TNNI3K: variants seen among roughly 807,000 people sequenced by gnomAD.
The protein encoded by TNNI3K is TNNI3 interacting kinase.
TNNI3K carries 140 observed loss-of-function variants against 114.5 expected under a neutral mutation model. The ratio of observed to expected loss-of-function variants is 1.22; its 90% confidence interval spans 1.07 to 1.41. The LOEUF is 1.41. Among genes scored for constraint, TNNI3K ranks in the 40% most tolerant of loss-of-function variants. The pLI, the probability that TNNI3K is intolerant of heterozygous loss-of-function variation, is 0.00. For missense variants in TNNI3K, 1,125 were observed against 1,007.6 expected, an observed-to-expected ratio of 1.12 and a Z score of -1.58; for synonymous variants, 347 against 347.5, an observed-to-expected ratio of 1.00 and a Z score of 0.02.
At chr1:74,464,951 G>A (rs1667604935) in intron 21 of TNNI3K, 2 of 1,222,926 alleles carry the variant, frequency 1.6e-6, no homozygotes, top group Admixed American at 8.4e-5. Context: ...TTCAATCTCT[G>A]CATCTGAATT....
rs1667598956 is a variant in TNNI3K at position 74,464,784 on chromosome 1, T to C, written c.2121+1234T>C. The C allele has an allele frequency of 5.2e-6, 8 of 1,535,654 alleles. No homozygotes were observed. In the East Asian group the frequency reaches 9.7e-5, roughly 19 times the overall value. On this transcript the variant is annotated intron_variant, in intron 21 of 24. Transcript: ENST00000326637. Reference sequence around the variant, plus strand: ...TTCAACCTGATGTGTTACATGTTTATTTGTTTAGAATCTTCCATCACTACC... The same window carrying C: ...TTCAACCTGATGTGTTACATGTTTACTTGTTTAGAATCTTCCATCACTACC...
Position 74,269,032 on chromosome 1 carries a change from A to G in TNNI3K, c.334-2566A>G, listed in dbSNP as rs149871371. Among the ~76,000 whole-genome samples the G allele has an allele frequency of 1.7e-3, 260 of 151,976 alleles. 2 individuals are homozygous for G. The highest frequency in any genetic ancestry group is 6.0e-3 in the African/African-American group (249 of 41,508). The stretch of plus-strand genomic sequence containing the variant: ...GCCTTATTGCTGGTCTTCAAACACA[A>G]CAAGCTTATATCTGTCTTTCGACTT... On this transcript the variant is annotated intron_variant, in intron 4 of 24. Transcript: ENST00000326637.
In TNNI3K at chr1:74,523,942, G is replaced by T. The variant is rs1180520011; in HGVS notation, c.2352-16292G>T. Among the ~76,000 whole-genome samples the T allele has an allele frequency of 1.0e-4, 15 of 150,414 alleles. No homozygotes were observed. In the South Asian group the frequency reaches 3.0e-3, roughly 30 times the overall value. ...CTCCCCTTTCCCCCCACCCCCGACA[G>T]GCCCCAGTGTGTGATATTCCACTCC... On this transcript the variant is annotated intron_variant, in intron 23 of 24. Coordinates refer to ENST00000326637, the MANE Select transcript of TNNI3K (RefSeq NM_015978.3).
intron 5 of TNNI3K, among the ~76,000 whole-genome samples, chr1:74,312,807 AG>A (rs1430757253): frequency 6.6e-6 from 1 of 152,230 alleles, no homozygotes; most frequent in African/African-American, 2.4e-5. Flanking sequence ...CATAGGAGAA[AG>A]GGGAAATCTT....
At chr1:74,357,031 A>G (rs1661697518) in intron 11 of TNNI3K, among the ~76,000 whole-genome samples, 1 of 152,190 alleles carries the variant, frequency 6.6e-6, no homozygotes, top group Non-Finnish European at 1.5e-5. Context: ...CATTGTTTTC[A>G]TGTGTTCAGG....
intron 17 of TNNI3K, among the ~76,000 whole-genome samples, chr1:74,425,847 C>T (rs773253612): frequency 4.6e-5 from 7 of 151,942 alleles, no homozygotes; most frequent in African/African-American, 9.7e-5. Context: ...ACAGCATTGA[C>T]GAAGGGTTAG....
At chr1:74,247,490 C>T (rs761854694) in intron 2 of TNNI3K, among the ~76,000 whole-genome samples, 6 of 152,174 alleles carry the variant, frequency 3.9e-5, no homozygotes, top group Admixed American at 1.3e-4. Context: ...AGCAAGTTGC[C>T]GATGGTGGCT....
chr1:74,487,341 T>C (rs75904219), intron 21 of TNNI3K, among the ~76,000 whole-genome samples: 2,310 of 152,132 alleles, frequency 0.015, 50 homozygotes, highest in African/African-American at 0.053. Context: ...TAGGTCAATG[T>C]AGTAGTGGGA....
chr1:74,472,854 T>C (rs1468886121), intron 21 of TNNI3K, among the ~76,000 whole-genome samples: 1 of 152,130 alleles, frequency 6.6e-6, no homozygotes, highest in African/African-American at 2.4e-5. Flanking sequence ...TTTAATCTTA[T>C]TAATCTTATA....
chr1:74,390,278 T>C (rs1276134877), intron 17 of TNNI3K, among the ~76,000 whole-genome samples: 1 of 152,182 alleles, frequency 6.6e-6, no homozygotes, highest in Non-Finnish European at 1.5e-5. Flanking sequence ...TCTCTCACTT[T>C]TAGGGATCCT....
At chr1:74,510,338 C>T (rs2100377214) in intron 23 of TNNI3K, among the ~76,000 whole-genome samples, 1 of 152,172 alleles carries the variant, frequency 6.6e-6, no homozygotes, top group Middle Eastern at 3.4e-3. Context: ...AGCCCCGTCT[C>T]TACTAAAAAT....
chr1:74,410,405 C>T (rs567162131), intron 17 of TNNI3K, among the ~76,000 whole-genome samples: 1 of 152,302 alleles, frequency 6.6e-6, no homozygotes, highest in Admixed American at 6.5e-5. Flanking sequence ...TAATCCAGTG[C>T]ACTTTCCACT....
Position 74,255,071 on chromosome 1 carries a change from C to A in TNNI3K, c.333+4302C>A, listed in dbSNP as rs988413208. On this transcript the variant is annotated intron_variant, in intron 4 of 24. Coordinates refer to ENST00000326637, the MANE Select transcript of TNNI3K (RefSeq NM_015978.3). ...GTTCAGTAAACATTATGAACTTGTT[C>A]TTTAACTGTAAACATCTAGAGGTTA... is the stretch of plus-strand genomic sequence containing the variant. Among the ~76,000 whole-genome samples the A allele has an allele frequency of 1.2e-4, 19 of 152,312 alleles. No individual in the cohort carries two copies. In the East Asian group the frequency reaches 3.5e-3, roughly 28 times the overall value.
chr1:74,500,027 G>A (rs901532815), intron 23 of TNNI3K, among the ~76,000 whole-genome samples: 12 of 150,936 alleles, frequency 8.0e-5, no homozygotes, highest in Non-Finnish European at 1.5e-4. Flanking sequence ...CTATTCTTTG[G>A]TGAGTACCCC....
intron 17 of TNNI3K, chr1:74,418,297 C>A: frequency 2.7e-6 from 1 of 364,586 alleles, no homozygotes; most frequent in South Asian, 2.0e-5. Context: ...GTCACCACAT[C>A]AGCCATAGAA....
chr1:74,449,228 T>A (rs1666863530), intron 20 of TNNI3K, among the ~76,000 whole-genome samples: 1 of 152,032 alleles, frequency 6.6e-6, no homozygotes, highest in South Asian at 2.1e-4. Context: ...CCATTTCTTC[T>A]AGATTTTCCA....
chr1:74,294,151 A>G (rs541047111), intron 5 of TNNI3K, among the ~76,000 whole-genome samples: 10 of 151,788 alleles, frequency 6.6e-5, no homozygotes, highest in Non-Finnish European at 4.4e-5. Flanking sequence ...TGATGTTTTG[A>G]TAGATTCTTG....
chr1:74,242,011 G>C (rs1321930507), intron 2 of TNNI3K, among the ~76,000 whole-genome samples: 1 of 151,772 alleles, frequency 6.6e-6, no homozygotes, highest in South Asian at 2.1e-4. Flanking sequence ...CACCACACCT[G>C]GCTAATTTTT....
intron 20 of TNNI3K, among the ~76,000 whole-genome samples, chr1:74,445,237 T>G (rs1257857020): frequency 7.4e-5 from 11 of 148,936 alleles, no homozygotes; most frequent in African/African-American, 2.7e-4. Context: ...TTTTTTATTA[T>G]ACTTTAAGTT....
Sources: allele counts gnomAD v4.1 joint callset (sites outside exome capture counted in the v4.1 genomes callset), GRCh38; gene constraint gnomAD v4.1.1; transcripts MANE v1.5; gene names NCBI Gene and HGNC (gene_info 2026-07-23, HGNC 2026-07-21).